LRRTM4: variants seen among roughly 807,000 people sequenced by gnomAD.
The protein encoded by LRRTM4 is leucine rich repeat transmembrane neuronal 4.
LRRTM4 carries 25 observed loss-of-function variants against 47.6 expected under a neutral mutation model. The observed-to-expected ratio is 0.53, with a 90% CI of 0.38 to 0.73. The LOEUF (loss-of-function observed/expected upper bound fraction) is 0.73. LRRTM4 is among the 30% of genes least tolerant of loss of function. LRRTM4 has a pLI of 0.00. For missense variants in LRRTM4, 638 were observed against 713.4 expected (o/e 0.89, Z 1.20); for synonymous variants, 311 against 269.5 (o/e 1.15, Z -1.51).
intron 3 of LRRTM4, among the ~76,000 whole-genome samples, chr2:76,808,832 T>TG (rs1229514978): frequency 1.3e-5 from 2 of 152,002 alleles, no homozygotes; most frequent in African/African-American, 4.8e-5. Flanking sequence ...ACTTTTTTTT[T>TG]CAGTTCAACT....
intron 3 of LRRTM4, among the ~76,000 whole-genome samples, chr2:76,776,493 T>A (rs1460639332): frequency 6.6e-6 from 1 of 152,118 alleles, no homozygotes; most frequent in Non-Finnish European, 1.5e-5. Context: ...TTGATTTGCA[T>A]TTCTCTGATG....
chr2:77,437,925 C>T (rs1457310988), intron 3 of LRRTM4, among the ~76,000 whole-genome samples: 5 of 152,092 alleles, frequency 3.3e-5, no homozygotes, highest in Non-Finnish European at 7.4e-5. Flanking sequence ...TTTGTAAGTA[C>T]AGCCTTTCTA....
chr2:76,899,086 T>C (rs945025310), intron 3 of LRRTM4, among the ~76,000 whole-genome samples: 1 of 151,996 alleles, frequency 6.6e-6, no homozygotes, highest in African/African-American at 2.4e-5. Flanking sequence ...GAGACTCTTA[T>C]GTAACTCCTT....
At chr2:77,034,526 T>C (rs557063924) in intron 3 of LRRTM4, among the ~76,000 whole-genome samples, 4 of 152,088 alleles carry the variant, frequency 2.6e-5, no homozygotes, top group African/African-American at 9.6e-5. Context: ...TTCTATTTTC[T>C]TACTATTTAT....
At chr2:77,445,829 T>C (rs1256650938) in intron 3 of LRRTM4, among the ~76,000 whole-genome samples, 1 of 151,992 alleles carries the variant, frequency 6.6e-6, no homozygotes, top group Non-Finnish European at 1.5e-5. Flanking sequence ...TATAAACAAG[T>C]GATAAAAATA....
intron 3 of LRRTM4, among the ~76,000 whole-genome samples, chr2:77,192,537 C>A (rs575554729): frequency 6.6e-6 from 1 of 152,070 alleles, no homozygotes; most frequent in Non-Finnish European, 1.5e-5. Context: ...AATAATTTTT[C>A]TAAAAAATGT....
intron 3 of LRRTM4, among the ~76,000 whole-genome samples, chr2:77,095,652 C>G (rs1670791866): frequency 6.6e-6 from 1 of 151,690 alleles, no homozygotes; most frequent in Admixed American, 6.6e-5. Flanking sequence ...ACTGCAGGCT[C>G]AGTTAGCCAC....
At chr2:76,911,942 G>A (rs891735713) in intron 3 of LRRTM4, among the ~76,000 whole-genome samples, 4 of 141,108 alleles carry the variant, frequency 2.8e-5, no homozygotes, top group Non-Finnish European at 4.7e-5. Flanking sequence ...TTTTGGGGGG[G>A]GGGGGGGGAC....
chr2:76,930,447 C>A (rs1212706726), intron 3 of LRRTM4, among the ~76,000 whole-genome samples: 1 of 152,136 alleles, frequency 6.6e-6, no homozygotes, highest in Non-Finnish European at 1.5e-5. Flanking sequence ...CCTTTTTGCA[C>A]ATATTGGCTC....
chr2:77,019,956 G>A (rs1009232007), intron 3 of LRRTM4, among the ~76,000 whole-genome samples: 2 of 151,886 alleles, frequency 1.3e-5, no homozygotes, highest in African/African-American at 2.4e-5. Flanking sequence ...AATTATTATT[G>A]GAGGCTGAAA....
rs1673111039 is a variant in LRRTM4 at position 77,173,499 on chromosome 2, T to A, written c.1551+344819A>T. On this transcript the variant is annotated intron_variant, in intron 3 of 3. Transcript: ENST00000409884. ...AAATGGAAGTTACCTGCCTGAGCCC[T>A]GAAGATTGGGAGTCACGGGTGGTTG... Among the ~76,000 whole-genome samples the A allele has an allele frequency of 2.0e-5, 3 of 152,294 alleles. No homozygotes were observed. In the South Asian group the frequency reaches 6.2e-4, roughly 32 times the overall value.
At chr2:77,189,709 T>C (rs1342031560) in intron 3 of LRRTM4, among the ~76,000 whole-genome samples, 1 of 151,628 alleles carries the variant, frequency 6.6e-6, no homozygotes, top group African/African-American at 2.4e-5. Flanking sequence ...CTATGCTAAT[T>C]TGTTATAGAA....
At chr2:77,192,009 T>C (rs1248575030) in intron 3 of LRRTM4, among the ~76,000 whole-genome samples, 4 of 152,036 alleles carry the variant, frequency 2.6e-5, no homozygotes, top group Non-Finnish European at 5.9e-5. Flanking sequence ...TAAGACATAG[T>C]ATACCTCCCA....
chr2:76,995,365 A>G (rs1202278709), intron 3 of LRRTM4, among the ~76,000 whole-genome samples: 1 of 152,040 alleles, frequency 6.6e-6, no homozygotes, highest in Non-Finnish European at 1.5e-5. Flanking sequence ...TGCTGTAACT[A>G]TATGTGGAAT....
At chr2:77,045,698 G>A (rs1679210741) in intron 3 of LRRTM4, among the ~76,000 whole-genome samples, 1 of 151,880 alleles carries the variant, frequency 6.6e-6, no homozygotes, top group East Asian at 1.9e-4. Flanking sequence ...GCTCCTCCTT[G>A]CCTTCCACCA....
At chr2:77,351,534 T>C (rs1671775622) in intron 3 of LRRTM4, among the ~76,000 whole-genome samples, 1 of 151,292 alleles carries the variant, frequency 6.6e-6, no homozygotes, top group Non-Finnish European at 1.5e-5. Flanking sequence ...AACCAAATGA[T>C]TTGGAAACAT....
At chr2:77,331,615 G>A (rs1032238429) in intron 3 of LRRTM4, among the ~76,000 whole-genome samples, 3 of 152,160 alleles carry the variant, frequency 2.0e-5, no homozygotes, top group Non-Finnish European at 4.4e-5. Context: ...TCTTCTGTAC[G>A]TTATTTGAAT....
chr2:77,151,622 C>A (rs565243104), intron 3 of LRRTM4, among the ~76,000 whole-genome samples: 41 of 152,192 alleles, frequency 2.7e-4, no homozygotes, highest in African/African-American at 8.9e-4. Flanking sequence ...CTGCTGTTTG[C>A]GACAGCATGG....
At chr2:76,929,029 A>T (rs1674680461) in intron 3 of LRRTM4, among the ~76,000 whole-genome samples, 1 of 152,114 alleles carries the variant, frequency 6.6e-6, no homozygotes, top group Non-Finnish European at 1.5e-5. Flanking sequence ...CAGATGACTA[A>T]AACATAGGTT....
Sources: gnomAD v4.1 joint callset for allele counts (sites outside exome capture counted in the v4.1 genomes callset) on GRCh38, gnomAD v4.1.1 for gene constraint, MANE v1.5 for transcripts, NCBI Gene and HGNC (gene_info 2026-07-23, HGNC 2026-07-21) for gene names.